Variants in FAM217A observed in about 807,000 individuals in gnomAD.
FAM217A encodes the protein family with sequence similarity 217 member A.
A neutral mutation model predicts 18.5 loss-of-function variants in FAM217A; 13 were observed. The observed-to-expected ratio is 0.70, with a 90% CI of 0.46 to 1.12. The LOEUF is 1.12. FAM217A is among the 50% of genes most tolerant of loss of function. The pLI, the probability that FAM217A is intolerant of heterozygous loss-of-function variation, is 0.00. For missense variants in FAM217A, 560 were observed against 575.4 expected, an observed-to-expected ratio of 0.97 and a Z score of 0.27; for synonymous variants, 161 against 202.8, an observed-to-expected ratio of 0.79 and a Z score of 1.75.
chr6:4,069,729 A>T lies in FAM217A; in HGVS notation c.494T>A (p.Ile165Asn). The change falls in exon 7 of 7, where the codon ATT becomes AAT. Residue 165 changes from isoleucine to asparagine, a missense_variant. Ile to Asn is a moderately radical substitution (Grantham distance 149). Transcript: ENST00000274673. ...TATAGTTGAACATGAACTAACATGA[A>T]TCTCATTTCTGTTCTTAAAAAAGTC... ...DGDFFKNRNE[I>N]HVSSCSTIEN... The T allele has an allele frequency of 6.2e-7, 1 of 1,614,098 alleles. No homozygotes were observed. The highest frequency in any genetic ancestry group is 8.5e-7 in the Non-Finnish European group (1 of 1,180,006).
At chr6:4,075,223 G>A (rs1769701289) in intron 2 of FAM217A, among the ~76,000 whole-genome samples, 1 of 152,070 alleles carries the variant, frequency 6.6e-6, no homozygotes, top group Non-Finnish European at 1.5e-5. Context: ...AATCCCAGCT[G>A]TTCGGGAGGC....
At chr6:4,082,237 G>A (rs1172871939), upstream of FAM217A, among the ~76,000 whole-genome samples, 1 of 152,292 alleles carries the variant, frequency 6.6e-6, no homozygotes, top group East Asian at 1.9e-4. Context: ...TGGACAGTGG[G>A]TCATTTTCTA....
intron 6 of FAM217A, among the ~76,000 whole-genome samples, chr6:4,072,498 C>A (rs1465591524): frequency 6.6e-6 from 1 of 150,574 alleles, no homozygotes; most frequent in South Asian, 2.1e-4. Context: ...CATGGTGGCT[C>A]ACACCTGTAA....
chr6:4,077,734 A>G (rs1769930071), intron 1 of FAM217A, among the ~76,000 whole-genome samples: 1 of 152,222 alleles, frequency 6.6e-6, no homozygotes, highest in Admixed American at 6.5e-5. Context: ...AGAAGATGAA[A>G]TACACATTGG....
upstream of FAM217A, among the ~76,000 whole-genome samples, chr6:4,080,482 A>G (rs1010737156): frequency 6.6e-6 from 1 of 152,248 alleles, no homozygotes; most frequent in Admixed American, 6.5e-5. Flanking sequence ...GTAGAAGCAC[A>G]GTGGTAGAAG....
chr6:4,072,057 C>T (rs1347460246), intron 6 of FAM217A, among the ~76,000 whole-genome samples: 1 of 152,114 alleles, frequency 6.6e-6, no homozygotes, highest in East Asian at 1.9e-4. Flanking sequence ...AATTAACATT[C>T]AGGGGCCGGG....
At position 4,073,475 on chromosome 6, in the gene FAM217A, C is replaced by A; in HGVS notation, c.192G>T (p.Met64Ile). ...TATGCACCGACAAATTAGGTTCTAGCATCAGTTGCTCCACTGGAATTTCCA... is the reference window on the plus strand; with the variant it reads ...TATGCACCGACAAATTAGGTTCTAGAATCAGTTGCTCCACTGGAATTTCCA... ...NYLEIPVEQL[M>I]LEPNLSVHSQ... Residue 64 changes from methionine to isoleucine, a missense_variant, in exon 5 of 7, where the codon ATG becomes ATT. By Grantham distance (10) the Met-to-Ile change is conservative (BLOSUM62 1). Coordinates refer to ENST00000274673, the MANE Select transcript of FAM217A (RefSeq NM_173563.3). 2 of 1,613,596 alleles carry A rather than the reference C, an allele frequency of 1.2e-6. No individual in the cohort carries two copies. The highest frequency in any genetic ancestry group is 2.2e-5 in the South Asian group (2 of 91,004).
intron 2 of FAM217A, 22 bp downstream of exon 2, chr6:4,077,333 A>C (rs1172319688): frequency 6.2e-7 from 1 of 1,613,844 alleles, no homozygotes; most frequent in South Asian, 1.1e-5. Context: ...CAAACACTCA[A>C]GTTCAACAGC....
In FAM217A at chr6:4,069,372, T is replaced by G; in HGVS notation, c.851A>C (p.Glu284Ala). Reference protein sequence around the residue: ...VTVDPAETSVEHLITRLLELE... With the variant: ...VTVDPAETSVAHLITRLLELE... ...TTCCAGTAAACGAGTTATCAAGTGTTCAACAGAGGTTTCTGCAGGGTCCAC... is the reference window on the plus strand; with the variant it reads ...TTCCAGTAAACGAGTTATCAAGTGTGCAACAGAGGTTTCTGCAGGGTCCAC... The change falls in exon 7 of 7, where the codon GAA becomes GCA. Residue 284 changes from glutamate (E) to alanine (A), a missense_variant. By Grantham distance (107) the Glu-to-Ala change is moderately radical. Transcript: ENST00000274673. The G allele has an allele frequency of 6.2e-7, 1 of 1,614,178 alleles. No homozygotes were observed. The highest frequency in any genetic ancestry group is 1.1e-5 in the South Asian group (1 of 91,078).
intron 1 of FAM217A, among the ~76,000 whole-genome samples, chr6:4,078,285 C>T (rs1324660661): frequency 1.3e-5 from 2 of 152,002 alleles, no homozygotes; most frequent in Non-Finnish European, 2.9e-5. Context: ...AACTCCTGAC[C>T]TCGTGATCCA....
At chr6:4,086,151 GAGAAA>G (rs1770642920) in intron 1 of FAM217A, among the ~76,000 whole-genome samples, 2 of 151,698 alleles carry the variant, frequency 1.3e-5, no homozygotes, top group African/African-American at 2.4e-5. Context: ...AAGGAAAAAA[GAGAAA>G]AGAAAGAAAG....
intron 6 of FAM217A, 133 bp from the exon 7 acceptor site, chr6:4,070,053 C>T (rs1036034064): frequency 2.4e-5 from 14 of 587,742 alleles, no homozygotes; most frequent in Non-Finnish European, 3.6e-5. Context: ...TATCTAGCTA[C>T]CTGCAACAGA....
intron 1 of FAM217A, among the ~76,000 whole-genome samples, chr6:4,086,446 CAAAAAA>C (rs60309347): frequency 0.047 from 3,580 of 76,900 alleles, 161 homozygotes; most frequent in African/African-American, 0.14. Flanking sequence ...AACTCTGTCT[CAAAAAA>C]AAAAAAAAAA....
chr6:4,086,701 T>G (rs1400806380), intron 1 of FAM217A, among the ~76,000 whole-genome samples: 5 of 152,088 alleles, frequency 3.3e-5, no homozygotes, highest in Non-Finnish European at 7.4e-5. Flanking sequence ...TCATGAAGAG[T>G]AGAGCAATTA....
At chr6:4,079,860 T>C (rs80011856), upstream of FAM217A, among the ~76,000 whole-genome samples, 2 of 152,182 alleles carry the variant, frequency 1.3e-5, no homozygotes, top group South Asian at 2.1e-4. Context: ...TGATTTTTTT[T>C]CTTTTTTCAT....
At chr6:4,084,996 T>G (rs928234093) in intron 1 of FAM217A, among the ~76,000 whole-genome samples, 4 of 152,146 alleles carry the variant, frequency 2.6e-5, no homozygotes, top group African/African-American at 9.7e-5. Flanking sequence ...AAGAAAAAAC[T>G]TGCGAGAAAA....
intron 6 of FAM217A, among the ~76,000 whole-genome samples, chr6:4,071,217 C>A (rs1769389529): frequency 6.6e-6 from 1 of 152,086 alleles, no homozygotes. Context: ...TAATACCTAC[C>A]TTGGAGGTAG....
At position 4,069,304 on chromosome 6, in the gene FAM217A, T is replaced by C; in HGVS notation, c.919A>G (p.Arg307Gly). ...QHMTIQKERP[R>G]LQTTFCTPAV... is the part of the protein sequence containing the mutation. ...GGAGTACAGAAAGTCGTTTGTAGTCTTGGCCTCTCTTTTTGAATAGTCATA... is the reference window on the plus strand; with the variant it reads ...GGAGTACAGAAAGTCGTTTGTAGTCCTGGCCTCTCTTTTTGAATAGTCATA... Residue 307 changes from arginine (R) to glycine (G), a missense_variant, in exon 7 of 7, where the codon AGA (arginine) becomes GGA (glycine). By Grantham distance (125) the Arg-to-Gly change is moderately radical. Transcript: ENST00000274673. 6.2e-7 allele frequency: 1 copy of C among 1,614,178 alleles called. No homozygotes were observed. The highest frequency in any genetic ancestry group is 1.1e-5 in the South Asian group (1 of 91,080).
At position 4,069,621 on chromosome 6, in the gene FAM217A, T is replaced by G; in HGVS notation, c.602A>C (p.Asp201Ala). 3.1e-6 allele frequency: 5 copies of G among 1,614,184 alleles called. No homozygotes were observed. The highest frequency in any genetic ancestry group is 4.2e-6 in the Non-Finnish European group (5 of 1,180,030). ...CTCATTTTCTGATAAATCACTTTCA[T>G]CTGTGAAATTTTCTTCCACACTGCT... ...GNSSVEENFT[D>A]ESDLSENEKT... The change falls in exon 7 of 7, where the codon GAT becomes GCT. Residue 201 changes from aspartate to alanine, a missense_variant. Coordinates refer to ENST00000274673, the MANE Select transcript of FAM217A (RefSeq NM_173563.3).
Sources: gnomAD v4.1 joint callset for allele counts (sites outside exome capture counted in the v4.1 genomes callset) on GRCh38, gnomAD v4.1.1 for gene constraint, MANE v1.5 for transcripts, NCBI Gene and HGNC (gene_info 2026-07-23, HGNC 2026-07-21) for gene names.